The following NFASC variants were observed in gnomAD, a reference collection of about 807,000 sequenced individuals.
NFASC encodes neurofascin homolog.
In NFASC, 43 loss-of-function variants were observed where a neutral mutation model predicts 147.5. The observed-to-expected ratio is 0.29, with a 90% confidence interval of 0.23 to 0.38. The LOEUF is 0.38. Ranked by LOEUF, NFASC falls within the 10% of genes least tolerant of loss-of-function variation. The pLI is 1.00. For missense variants in NFASC, 1,320 were observed against 1,689.0 expected (o/e 0.78, Z 3.83); for synonymous variants, 622 against 665.5 (o/e 0.93, Z 1.01).
At chr1:204,973,653 C>T (rs11585374) in intron 12 of NFASC, among the ~76,000 whole-genome samples, 4 of 152,226 alleles carry the variant, frequency 2.6e-5, no homozygotes, top group Non-Finnish European at 5.9e-5. Context: ...CCTCATTGTA[C>T]AGATGGAAGA....
chr1:204,960,378 C>G (rs1376322969), intron 8 of NFASC, among the ~76,000 whole-genome samples: 4 of 152,180 alleles, frequency 2.6e-5, no homozygotes, highest in Non-Finnish European at 4.4e-5. Flanking sequence ...TGGGCCCGTC[C>G]CACTCTGCCT....
rs1364386562 is a variant in NFASC, at chr1:204,968,743, G to C, written c.819-55G>C. On this transcript the variant is annotated intron_variant, in intron 9 of 29. Coordinates refer to ENST00000339876, the MANE Select transcript of NFASC (RefSeq NM_001005388.3). This position sits in a 1 kb window ranked among gnomAD's most constrained non-coding sequence, Gnocchi z 5.4. ...CCTGGGTGTCCCCAGCTGTATAGAA[G>C]AGGAGAAAGGCCACGTTTAGTGATA... The C allele has an allele frequency of 6.5e-7, 1 of 1,540,502 alleles. No homozygotes were observed.
At chr1:204,963,290 G>A (rs1055815434) in intron 8 of NFASC, among the ~76,000 whole-genome samples, 2 of 152,210 alleles carry the variant, frequency 1.3e-5, no homozygotes, top group African/African-American at 4.8e-5. Flanking sequence ...AGCATTGTTT[G>A]TTTTCAAGAT....
intron 1 of NFASC, among the ~76,000 whole-genome samples, chr1:204,868,604 G>C (rs2077311192): frequency 2.0e-5 from 3 of 152,198 alleles, no homozygotes; most frequent in Non-Finnish European, 1.5e-5. Flanking sequence ...GTTGAGAAAG[G>C]GGCTGCTGTC....
chr1:204,849,381 A>C (rs1366334384), intron 1 of NFASC, among the ~76,000 whole-genome samples: 1 of 152,234 alleles, frequency 6.6e-6, no homozygotes, highest in Admixed American at 6.5e-5. Context: ...CGTTAAAAAC[A>C]GTCTCTTCTG....
At chr1:204,900,237 A>T (rs1263277269) in intron 1 of NFASC, among the ~76,000 whole-genome samples, 3 of 152,238 alleles carry the variant, frequency 2.0e-5, no homozygotes, top group Non-Finnish European at 4.4e-5. Context: ...CATGGTCAAT[A>T]CTGTGCTTGG....
chr1:204,952,125 A>G lies in NFASC; in HGVS notation c.215+9A>G, dbSNP rs1558226623. ...GGGAACCCTGCCCCCAGGTGAGTGA[A>G]GGGGAAAAAGAGTGCATTGAAACCA... On this transcript the variant is annotated intron_variant, in intron 5 of 29. Transcript: ENST00000339876. 1 of 1,602,174 alleles carries G rather than the reference A, an allele frequency of 6.2e-7. No homozygotes were observed. Among genetic ancestry groups the G allele is most frequent in the South Asian group, 1.1e-5 (1 of 90,688 alleles).
chr1:204,855,661 A>G (rs2076090266), intron 1 of NFASC, among the ~76,000 whole-genome samples: 1 of 152,182 alleles, frequency 6.6e-6, no homozygotes, highest in South Asian at 2.1e-4. Flanking sequence ...GCTGCCTCAC[A>G]CAAGGACCCT....
At chr1:204,971,538 G>A (rs984418555) in intron 11 of NFASC, among the ~76,000 whole-genome samples, 1 of 152,204 alleles carries the variant, frequency 6.6e-6, no homozygotes, top group African/African-American at 2.4e-5. Context: ...GGTGGAGAGG[G>A]GGGGACACAG....
chr1:204,862,377 A>G (rs562315342), intron 1 of NFASC, among the ~76,000 whole-genome samples: 73 of 152,374 alleles, frequency 4.8e-4, no homozygotes, highest in African/African-American at 1.7e-3. Flanking sequence ...TGGAATATGT[A>G]TATAGCTTCC....
chr1:204,843,630 C>CCCTT (rs1553373238), intron 1 of NFASC, among the ~76,000 whole-genome samples: 46 of 38,656 alleles, frequency 1.2e-3, no homozygotes, highest in Middle Eastern at 0.017. Context: ...CTTCCTTCCT[C>CCCTT]CCTCCCTCCC....
At chr1:204,856,104 T>C (rs2076130812) in intron 1 of NFASC, among the ~76,000 whole-genome samples, 1 of 152,038 alleles carries the variant, frequency 6.6e-6, no homozygotes, top group Non-Finnish European at 1.5e-5. Context: ...ATAATTGCTG[T>C]TCCCTCCTGC....
At position 204,974,767 on chromosome 1, in the gene NFASC, G is replaced by A; in HGVS notation, c.1502G>A (p.Cys501Tyr). 6.2e-7 allele frequency: 1 copy of A among 1,614,244 alleles called. No individual in the cohort carries two copies. Among genetic ancestry groups the A allele is most frequent in the Non-Finnish European group, 8.5e-7 (1 of 1,180,042 alleles). Residue 501 changes from cysteine (C) to tyrosine (Y), a missense_variant, in exon 14 of 30, where the codon TGT becomes TAT. Transcript: ENST00000339876. ...AAAGAGGACCAGGGCATCTACACCT[G>A]TGTCGCCACCAACATCCTGGGCAAA... is the stretch of plus-strand genomic sequence containing the variant. ...IRKEDQGIYT[C>Y]VATNILGKAE... is the part of the protein sequence containing the mutation.
intron 3 of NFASC, 66 bp downstream of exon 3, chr1:204,944,472 G>GGGGGGGC: frequency 5.0e-5 from 20 of 402,564 alleles, no homozygotes; most frequent in East Asian, 1.3e-4. Flanking sequence ...GGAGGGGAGG[G>GGGGGGGC]AAGGTCAGAG....
Position 204,846,952 on chromosome 1 carries a change from CGT to C in NFASC, c.-200+18196_-200+18197del, listed in dbSNP as rs917596959. On this transcript the variant is annotated intron_variant, in intron 1 of 29. Transcript: ENST00000339876. ...AGACTGCTGCCTGTGTGTGTGTACGCGTGTGTGTGTGTGTGTGTGTGTGTGTG... is the reference window on the plus strand; with the variant it reads ...AGACTGCTGCCTGTGTGTGTGTACGCGTGTGTGTGTGTGTGTGTGTGTGTG... 6.3e-3 allele frequency among the ~76,000 whole-genome samples: 773 copies of C among 123,480 alleles called. 3 individuals are homozygous for C. Among genetic ancestry groups the C allele is most frequent in the Non-Finnish European group, 7.7e-3 (462 of 59,650 alleles). 81.0% of individuals were successfully genotyped at this position (123,480 alleles called of 152,430 possible). A position where few individuals can be genotyped will look rare whatever the true frequency, so the allele number is the denominator to read the frequency against.
chr1:204,979,818 G>A lies in NFASC; in HGVS notation c.2176+259G>A, dbSNP rs912491967. ...ATGCTAACTTCCATTTTTATTATTA[G>A]TAATTCTTGATTATCTGCTTTAAAG... is the stretch of plus-strand genomic sequence containing the variant. On this transcript the variant is annotated intron_variant, in intron 19 of 29. Transcript: ENST00000339876. The surrounding 1 kb of genome is among the most constrained non-coding windows in gnomAD (Gnocchi z 6.0). 4.6e-5 allele frequency among the ~76,000 whole-genome samples: 7 copies of A among 152,196 alleles called. No homozygotes were observed. The highest frequency in any genetic ancestry group is 7.3e-5 in the Non-Finnish European group (5 of 68,032).
Position 204,874,156 on chromosome 1 carries a change from G to A in NFASC, c.-200+45374G>A, listed in dbSNP as rs57565322. Among the ~76,000 whole-genome samples the A allele has an allele frequency of 0.018, 2,772 of 152,250 alleles. 156 individuals carry two copies. The East Asian group carries it at 0.21, about 11-fold the overall frequency. ...TCCTATGCAGCCTTTGTTCCCCTTC[G>A]TTCCTACCCAGCCGAAATCTTCCTG... On this transcript the variant is annotated intron_variant, in intron 1 of 29. Transcript: ENST00000339876.
At chr1:204,950,994 C>G (rs912847626) in intron 4 of NFASC, among the ~76,000 whole-genome samples, 6 of 152,082 alleles carry the variant, frequency 3.9e-5, no homozygotes, top group African/African-American at 1.2e-4. Flanking sequence ...CACCATGACC[C>G]CTAAGTTCTG....
rs199838875 is a variant in NFASC, at chr1:204,957,802, C to A, written c.682C>A (p.Pro228Thr). The A allele has an allele frequency of 6.2e-7, 1 of 1,614,138 alleles. No individual in the cohort carries two copies. Among genetic ancestry groups the A allele is most frequent in the Non-Finnish European group, 8.5e-7 (1 of 1,180,034 alleles). Residue 228 changes from proline (P) to threonine (T), a missense_variant, in exon 8 of 30, where the codon CCT becomes ACT. Coordinates refer to ENST00000339876, the MANE Select transcript of NFASC (RefSeq NM_001005388.3). ...CACCCACACCATCCAGCAGAAGAAC[C>A]CTTTCACCCTCAAGGTCCTCACCAG... ...HFTHTIQQKN[P>T]FTLKVLTTRG...
Sources: allele counts gnomAD v4.1 joint callset (sites outside exome capture counted in the v4.1 genomes callset), GRCh38; gene constraint gnomAD v4.1.1; non-coding constraint Gnocchi (gnomAD v3.1); transcripts MANE v1.5; gene names NCBI Gene and HGNC (gene_info 2026-07-23, HGNC 2026-07-21).